The following ROBO1 variants were observed in gnomAD, a reference collection of about 807,000 sequenced individuals.
ROBO1 encodes the protein roundabout homolog 1.
A neutral mutation model predicts 195.9 loss-of-function variants in ROBO1; 149 were observed. That is an observed-to-expected ratio of 0.76 (90% CI 0.67 to 0.87). ROBO1 has a LOEUF of 0.87. ROBO1 is among the 40% of genes least tolerant of loss of function. ROBO1 has a pLI of 0.00. For missense variants in ROBO1, 1,933 were observed against 2,068.3 expected, an observed-to-expected ratio of 0.93 and a Z score of 1.27; for synonymous variants, 816 against 733.2, an observed-to-expected ratio of 1.11 and a Z score of -1.82.
At chr3:79,538,365 A>G (rs1941950009) in intron 2 of ROBO1, among the ~76,000 whole-genome samples, 2 of 152,168 alleles carry the variant, frequency 1.3e-5, no homozygotes, top group South Asian at 2.1e-4. Context: ...TAACAAAAAA[A>G]CAGTACAAGG....
chr3:79,657,670 C>G (rs777416582), intron 1 of ROBO1, among the ~76,000 whole-genome samples: 2 of 151,914 alleles, frequency 1.3e-5, no homozygotes, highest in South Asian at 4.2e-4. Flanking sequence ...AAAACGTTAC[C>G]GAGTCTAAAA....
chr3:79,259,764 C>A (rs538419912), intron 2 of ROBO1, among the ~76,000 whole-genome samples: 23 of 152,162 alleles, frequency 1.5e-4, no homozygotes, highest in African/African-American at 4.3e-4. Context: ...AGATTTAAAT[C>A]GACATTTCTC....
At chr3:78,646,251 T>C in intron 20 of ROBO1, 61 bp from the exon 21 acceptor site, 2 of 1,452,898 alleles carry the variant, frequency 1.4e-6, no homozygotes, top group South Asian at 1.2e-5. Context: ...TCAAAAGCTA[T>C]TACATTCATG....
chr3:79,436,291 A>G (rs2038885882), intron 2 of ROBO1, among the ~76,000 whole-genome samples: 1 of 152,138 alleles, frequency 6.6e-6, no homozygotes, highest in South Asian at 2.1e-4. Flanking sequence ...TTGCATTTCT[A>G]AAGGGTGGAC....
intron 4 of ROBO1, among the ~76,000 whole-genome samples, chr3:78,902,241 T>C (rs1290652141): frequency 6.6e-6 from 1 of 152,174 alleles, no homozygotes; most frequent in East Asian, 1.9e-4. Context: ...TTTTAGTATG[T>C]GGTAAAGCAG....
intron 2 of ROBO1, among the ~76,000 whole-genome samples, chr3:79,340,099 A>G (rs1290027027): frequency 6.6e-6 from 1 of 152,188 alleles, no homozygotes; most frequent in Non-Finnish European, 1.5e-5. Context: ...TGCTTGCTGC[A>G]GCACACCCAG....
At chr3:79,455,692 C>T (rs1467577687) in intron 2 of ROBO1, among the ~76,000 whole-genome samples, 1 of 152,062 alleles carries the variant, frequency 6.6e-6, no homozygotes, top group East Asian at 1.9e-4. Flanking sequence ...GAGATGCATG[C>T]ACTGGCTGTT....
intron 2 of ROBO1, among the ~76,000 whole-genome samples, chr3:79,557,598 G>A (rs996855580): frequency 1.3e-5 from 2 of 151,484 alleles, no homozygotes; most frequent in Admixed American, 1.3e-4. Context: ...GCCAGGTTTG[G>A]TAGTAAACGC....
intron 2 of ROBO1, among the ~76,000 whole-genome samples, chr3:79,189,574 T>A (rs2081502155): frequency 1.3e-5 from 2 of 151,706 alleles, no homozygotes; most frequent in Non-Finnish European, 2.9e-5. Context: ...TTAAGGAATA[T>A]TTACCCATAT....
chr3:78,635,881 T>C lies in ROBO1; in HGVS notation c.3265A>G (p.Asn1089Asp), dbSNP rs751395428. The C allele has an allele frequency of 1.2e-6, 2 of 1,613,906 alleles. No homozygotes were observed. The highest frequency in any genetic ancestry group is 1.7e-4 in the Middle Eastern group (1 of 6,060). ...TTCTCGCCAGAGTCCCCGCTGCCAT[T>C]GTTCATGTTGTTGCTGAGGTTTGAC... ...IQSNLSNNMN[N>D]GSGDSGEKHW... The change falls in exon 23 of 31, where the codon AAT (asparagine) becomes GAT (aspartate). Residue 1089 changes from asparagine to aspartate, a missense_variant. Transcript: ENST00000464233.
At chr3:79,378,713 ACG>A in intron 2 of ROBO1, among the ~76,000 whole-genome samples, 1 of 152,270 alleles carries the variant, frequency 6.6e-6, no homozygotes, top group East Asian at 1.9e-4. Flanking sequence ...TTATATTTTC[ACG>A]CCTTTACACC....
At chr3:78,977,932 A>T (rs2076916599) in intron 3 of ROBO1, among the ~76,000 whole-genome samples, 1 of 152,194 alleles carries the variant, frequency 6.6e-6, no homozygotes, top group African/African-American at 2.4e-5. Context: ...AAAAATAATT[A>T]TAATAGTGCC....
intron 3 of ROBO1, among the ~76,000 whole-genome samples, chr3:79,066,617 C>G (rs1418383684): frequency 6.6e-6 from 1 of 151,788 alleles, no homozygotes; most frequent in Non-Finnish European, 1.5e-5. Flanking sequence ...GAAAACGATT[C>G]TATAGAGTCT....
intron 3 of ROBO1, among the ~76,000 whole-genome samples, chr3:79,065,458 A>G (rs889069960): frequency 6.6e-6 from 1 of 151,952 alleles, no homozygotes; most frequent in African/African-American, 2.4e-5. Context: ...TAATTTCCCA[A>G]TAAAGGAAAT....
intron 4 of ROBO1, chr3:78,938,266 C>A: frequency 4.0e-6 from 1 of 252,690 alleles, no homozygotes; most frequent in Non-Finnish European, 7.8e-6. Context: ...TCTCAAGTAG[C>A]TGAACTATAG....
At position 78,606,730 on chromosome 3, in the gene ROBO1, T is replaced by C. The variant is rs769310925; in HGVS notation, c.4744+3A>G. 6.2e-7 allele frequency: 1 copy of C among 1,612,864 alleles called. No individual in the cohort carries two copies. On this transcript the variant is annotated splice_donor_region_variant and intron_variant, in intron 29 of 30. Coordinates refer to ENST00000464233, the MANE Select transcript of ROBO1 (RefSeq NM_002941.4). ...TTTATTTGCTGCTTGATTGGATGAGTACCTTGGATGAGATGAGTCTTTGCT... is the reference window on the plus strand; with the variant it reads ...TTTATTTGCTGCTTGATTGGATGAGCACCTTGGATGAGATGAGTCTTTGCT...
At chr3:79,404,124 T>C (rs1412136981) in intron 2 of ROBO1, among the ~76,000 whole-genome samples, 1 of 152,084 alleles carries the variant, frequency 6.6e-6, no homozygotes, top group Non-Finnish European at 1.5e-5. Context: ...TATTCATGTG[T>C]ATGACAGCTG....
intron 1 of ROBO1, among the ~76,000 whole-genome samples, chr3:79,675,767 T>C (rs567767215): frequency 2.0e-5 from 3 of 152,080 alleles, no homozygotes; most frequent in Non-Finnish European, 4.4e-5. Flanking sequence ...CTAAATCTTT[T>C]TGATGCTTAT....
chr3:79,754,223 T>G (rs1383172653), intron 1 of ROBO1, among the ~76,000 whole-genome samples: 1 of 152,200 alleles, frequency 6.6e-6, no homozygotes, highest in African/African-American at 2.4e-5. Context: ...AAGCAGTGAT[T>G]ATTCTGAAAT....
Sources: allele counts gnomAD v4.1 joint callset (sites outside exome capture counted in the v4.1 genomes callset), GRCh38; gene constraint gnomAD v4.1.1; transcripts MANE v1.5; gene names NCBI Gene and HGNC (gene_info 2026-07-23, HGNC 2026-07-21).